Variants in RBM27 observed in about 807,000 individuals in gnomAD.
RBM27 encodes RNA-binding protein 27.
Under a neutral mutation model 135.3 loss-of-function variants are expected in RBM27, and 22 were observed. The ratio of observed to expected loss-of-function variants is 0.16; its 90% CI spans 0.12 to 0.23. The LOEUF is 0.23. Ranked by LOEUF, RBM27 falls within the 10% of genes least tolerant of loss-of-function variation. The pLI, the probability that RBM27 is intolerant of heterozygous loss-of-function variation, is 1.00. For missense variants in RBM27, 1,009 were observed against 1,281.0 expected (o/e 0.79, Z 3.24); for synonymous variants, 481 against 442.4 (o/e 1.09, Z -1.10).
intron 1 of RBM27, among the ~76,000 whole-genome samples, chr5:146,206,606 G>A (rs536340954): frequency 6.6e-6 from 1 of 151,594 alleles, no homozygotes; most frequent in Admixed American, 6.6e-5. Context: ...TTGAGATGGA[G>A]TTTCGCTCTT....
chr5:146,222,409 T>C (rs1417901141), intron 2 of RBM27, among the ~76,000 whole-genome samples: 2 of 152,152 alleles, frequency 1.3e-5, no homozygotes, highest in African/African-American at 2.4e-5. Context: ...ATAGGCTGGA[T>C]GTGGTGGCTC....
chr5:146,262,523 T>A (rs974768512), intron 13 of RBM27, among the ~76,000 whole-genome samples: 1 of 152,174 alleles, frequency 6.6e-6, no homozygotes. Flanking sequence ...CTACCACACA[T>A]CAGAGCCATT....
intron 1 of RBM27, among the ~76,000 whole-genome samples, chr5:146,216,253 T>C (rs1406289936): frequency 6.6e-6 from 1 of 152,060 alleles, no homozygotes; most frequent in Non-Finnish European, 1.5e-5. Flanking sequence ...TTCACCATGG[T>C]CTAAAACTTC....
intron 3 of RBM27, among the ~76,000 whole-genome samples, chr5:146,227,296 T>A (rs1001385154): frequency 1.3e-5 from 2 of 152,250 alleles, no homozygotes; most frequent in Non-Finnish European, 2.9e-5. Flanking sequence ...TCATTTGTCC[T>A]GTAGAGTTTT....
In RBM27 at chr5:146,260,861, A is replaced by C. The variant is rs1236185066; in HGVS notation, c.1856A>C (p.Glu619Ala). ...TTGAACAACATTACCAAGCTCAATG[A>C]ACACTTCAGCAAATTTGGAACTATT... Reference protein sequence around the residue: ...QELNNITKLNEHFSKFGTIVN... With the variant: ...QELNNITKLNAHFSKFGTIVN... Residue 619 changes from glutamate to alanine, a missense_variant, in exon 12 of 21, where the codon GAA (glutamate) becomes GCA (alanine). By Grantham distance (107) the Glu-to-Ala change is moderately radical. Around this residue, in one of 6 missense-constraint regions of RBM27, gnomAD observed 34 missense variants for 82.8 expected, o/e 0.41. Transcript: ENST00000265271. 1 of 1,612,124 alleles carries C rather than the reference A, an allele frequency of 6.2e-7. No homozygotes were observed. Among genetic ancestry groups the C allele is most frequent in the Non-Finnish European group, 8.5e-7 (1 of 1,179,630 alleles).
In RBM27 at chr5:146,270,956, C is replaced by T. The variant is rs1758836025; in HGVS notation, c.2694C>T (p.Ala898=). 1 of 1,605,436 alleles carries T rather than the reference C, an allele frequency of 6.2e-7. No individual in the cohort carries two copies. Among genetic ancestry groups the T allele is most frequent in the African/African-American group, 1.3e-5 (1 of 74,428 alleles). Residue 898 remains alanine (A), a splice_region_variant and synonymous_variant, in exon 18 of 21, where the codon GCC becomes GCT. Transcript: ENST00000265271. The part of the protein sequence containing the change: ...TPSKVKTKTE[A]QKELLDTELD... ...TTTTATTTTCAATTTTTCCAAAGGCCCAGAAGGAGTTATTAGATACTGAAC... is the reference window on the plus strand; with the variant it reads ...TTTTATTTTCAATTTTTCCAAAGGCTCAGAAGGAGTTATTAGATACTGAAC...
At chr5:146,275,326 G>A (rs1278677067) in intron 19 of RBM27, among the ~76,000 whole-genome samples, 6 of 151,890 alleles carry the variant, frequency 4.0e-5, no homozygotes, top group Middle Eastern at 3.2e-3. Context: ...CTGGAGTGCA[G>A]TGGTGTGATC....
rs545963169 is a variant in RBM27 at position 146,217,464 on chromosome 5, G to GTTTTTTTTTTTTTTTT, written c.60-1509_60-1494dup. Among the ~76,000 whole-genome samples, 5 of 70,766 alleles carry GTTTTTTTTTTTTTTTT rather than the reference G, an allele frequency of 7.1e-5. 2 individuals carry two copies. Among genetic ancestry groups the GTTTTTTTTTTTTTTTT allele is most frequent in the African/African-American group, 3.0e-4 (5 of 16,490 alleles). 46.4% of individuals were successfully genotyped at this position (70,766 alleles called of 152,430 possible). A position where few individuals can be genotyped will look rare whatever the true frequency, so the allele number is the denominator to read the frequency against. ...GATTGATACTCTTGAGCTGAAGCCT[G>GTTTTTTTTTTTTTTTT]TTTTTTTTTTTTTTTTTTTTTTTTT... On this transcript the variant is annotated intron_variant, in intron 1 of 20. Transcript: ENST00000265271.
In RBM27 at chr5:146,208,755, C is replaced by T. The variant is rs1164063356; in HGVS notation, c.59+4931C>T. 1.4e-4 allele frequency among the ~76,000 whole-genome samples: 21 copies of T among 152,128 alleles called. 1 individual carries two copies. Among genetic ancestry groups the T allele is most frequent in the Admixed American group, 1.4e-3 (21 of 15,262 alleles). Reference sequence around the variant, plus strand: ...AATAAGTGCATCACTAAAGAAATTTCTGCAAGTTTAAAAAAAGATCAGGCA... The same window carrying T: ...AATAAGTGCATCACTAAAGAAATTTTTGCAAGTTTAAAAAAAGATCAGGCA... On this transcript the variant is annotated intron_variant, in intron 1 of 20. Coordinates refer to ENST00000265271, the MANE Select transcript of RBM27 (RefSeq NM_018989.2).
At chr5:146,212,236 A>G (rs1312942755) in intron 1 of RBM27, among the ~76,000 whole-genome samples, 1 of 151,678 alleles carries the variant, frequency 6.6e-6, no homozygotes, top group Non-Finnish European at 1.5e-5. Flanking sequence ...TTGTATTCTT[A>G]GTAGAGATGG....
At position 146,287,010 on chromosome 5, in the gene RBM27, C is replaced by T. The variant is rs1759611572; in HGVS notation, c.*980C>T. ...AAGGATTTTGGGGAGAAGAGAATCA[C>T]CAGCTTTATTTTTTCCCTCTTTTGA... is the stretch of plus-strand genomic sequence containing the variant. On this transcript the variant is annotated 3_prime_UTR_variant, in exon 21 of 21. Transcript: ENST00000265271. 6.6e-6 allele frequency: 1 copy of T among 152,258 alleles called. No homozygotes were observed. 9.4% of individuals were successfully genotyped at this position (152,258 alleles called of 1,614,324 possible).
At chr5:146,275,041 C>A (rs922839565) in intron 19 of RBM27, among the ~76,000 whole-genome samples, 6 of 151,030 alleles carry the variant, frequency 4.0e-5, no homozygotes, top group African/African-American at 1.5e-4. Flanking sequence ...CTTTTAATAA[C>A]CTTTTCAAAA....
chr5:146,258,851 T>C (rs1758236425), intron 11 of RBM27, among the ~76,000 whole-genome samples: 1 of 151,950 alleles, frequency 6.6e-6, no homozygotes, highest in Admixed American at 6.6e-5. Context: ...CTCTGCCTCC[T>C]GGGTTGAAGT....
At chr5:146,274,683 G>A (rs549553852) in intron 19 of RBM27, among the ~76,000 whole-genome samples, 2 of 152,004 alleles carry the variant, frequency 1.3e-5, no homozygotes, top group Non-Finnish European at 2.9e-5. Flanking sequence ...GATTGATCTC[G>A]ATCTTTTTGG....
intron 2 of RBM27, among the ~76,000 whole-genome samples, chr5:146,221,620 C>T (rs948255137): frequency 6.6e-6 from 1 of 152,074 alleles, no homozygotes; most frequent in East Asian, 1.9e-4. Flanking sequence ...TTTTAGTAGA[C>T]AGGGTTTCAC....
intron 14 of RBM27, 80 bp from the exon 15 acceptor site, chr5:146,267,569 T>C: frequency 1.1e-6 from 1 of 924,930 alleles, no homozygotes; most frequent in Non-Finnish European, 1.6e-6. Context: ...AATATATGCA[T>C]CTTTTCTAAA....
intron 14 of RBM27, among the ~76,000 whole-genome samples, chr5:146,266,520 A>G (rs1758625871): frequency 6.6e-6 from 1 of 152,224 alleles, no homozygotes; most frequent in South Asian, 2.1e-4. Flanking sequence ...TTTGATGATA[A>G]TTAAGTGTTG....
intron 10 of RBM27, among the ~76,000 whole-genome samples, chr5:146,257,053 A>T: frequency 6.6e-6 from 1 of 152,232 alleles, no homozygotes; most frequent in East Asian, 1.9e-4. Flanking sequence ...AAGAGCAAGG[A>T]TCACGTCTAT....
At position 146,287,911 on chromosome 5, in the gene RBM27, G is replaced by A. The variant is rs771115913; in HGVS notation, c.*1881G>A. The A allele has an allele frequency of 2.6e-5, 4 of 152,034 alleles. No individual in the cohort carries two copies. Among genetic ancestry groups the A allele is most frequent in the African/African-American group, 4.8e-5 (2 of 41,416 alleles). The allele number at this position is 152,034 out of a possible 1,614,324, so 9.4% of individuals were successfully genotyped here. A position where few individuals can be genotyped will look rare whatever the true frequency, so the allele number is the denominator to read the frequency against. ...TCTAATGAAATTTTTCTTGATGTCT[G>A]TGGCTCAGTCAGTATATATTTTGAA... is the stretch of plus-strand genomic sequence containing the variant. On this transcript the variant is annotated 3_prime_UTR_variant, in exon 21 of 21. Transcript: ENST00000265271.
Sources: allele counts gnomAD v4.1 joint callset (sites outside exome capture counted in the v4.1 genomes callset), GRCh38; gene constraint gnomAD v4.1.1; regional missense constraint gnomAD v4.1.1; transcripts MANE v1.5; gene names NCBI Gene and HGNC (gene_info 2026-07-23, HGNC 2026-07-21).